The following ABCC11 variants were observed in gnomAD, a reference collection of about 807,000 sequenced individuals.
ABCC11 encodes ATP-binding cassette sub-family C member 11.
In ABCC11, 135 loss-of-function variants were observed where a neutral mutation model predicts 149.3. The ratio of observed to expected loss-of-function variants is 0.90; its 90% CI spans 0.79 to 1.04. The LOEUF is 1.04. ABCC11 is among the 50% of genes least tolerant of loss of function. The pLI is 0.00. For missense variants in ABCC11, 1,680 were observed against 1,722.1 expected, an observed-to-expected ratio of 0.98 and a Z score of 0.43; for synonymous variants, 665 against 671.4, an observed-to-expected ratio of 0.99 and a Z score of 0.15.
In ABCC11 at chr16:48,167,472, C is replaced by T. The variant is rs770243549; in HGVS notation, c.4056+24G>A. Reference sequence around the variant, plus strand: ...AGCAGCCTGAGCCCTCATCCTCCCACCAGCCCAAGGACGCAGCCTTCACCT... The same window carrying T: ...AGCAGCCTGAGCCCTCATCCTCCCATCAGCCCAAGGACGCAGCCTTCACCT... On this transcript the variant is annotated intron_variant, in intron 29 of 29. Transcript: ENST00000356608. 1.1e-5 allele frequency: 17 copies of T among 1,613,268 alleles called. No individual in the cohort carries two copies. The Admixed American group carries it at 2.8e-4, about 27-fold the overall frequency.
intron 9 of ABCC11, among the ~76,000 whole-genome samples, chr16:48,214,592 C>T (rs1274311142): frequency 6.6e-6 from 1 of 152,110 alleles, no homozygotes; most frequent in Non-Finnish European, 1.5e-5. Flanking sequence ...AGAGGAACTC[C>T]ACAACCTCAA....
At chr16:48,242,249 A>C (rs1185308423) in intron 1 of ABCC11, among the ~76,000 whole-genome samples, 2 of 152,248 alleles carry the variant, frequency 1.3e-5, no homozygotes, top group African/African-American at 4.8e-5. Flanking sequence ...ATGAACAGAC[A>C]CTTCTCAAAA....
At chr16:48,170,988 A>T (rs757373593) in intron 26 of ABCC11, 21 bp from the exon 27 acceptor site, 2 of 1,583,246 alleles carry the variant, frequency 1.3e-6, no homozygotes, top group South Asian at 2.2e-5. Flanking sequence ...AGAGAAAGAG[A>T]AGTGTTCAAC....
intron 20 of ABCC11, among the ~76,000 whole-genome samples, chr16:48,188,603 A>G (rs1479761114): frequency 6.6e-6 from 1 of 152,224 alleles, no homozygotes; most frequent in Non-Finnish European, 1.5e-5. Flanking sequence ...GGCTCTAACA[A>G]AAGCATTTAG....
intron 20 of ABCC11, among the ~76,000 whole-genome samples, chr16:48,187,997 C>T (rs1966840940): frequency 6.6e-6 from 1 of 152,164 alleles, no homozygotes; most frequent in Non-Finnish European, 1.5e-5. Flanking sequence ...CATGGCAACA[C>T]CCAGGAGTTA....
chr16:48,189,747 C>T (rs1966855280), intron 20 of ABCC11, among the ~76,000 whole-genome samples: 2 of 152,176 alleles, frequency 1.3e-5, no homozygotes, highest in Non-Finnish European at 1.5e-5. Flanking sequence ...AAGTGTCAGG[C>T]CTCAGGTAGA....
chr16:48,229,126 G>A (rs1208148241), intron 3 of ABCC11, among the ~76,000 whole-genome samples: 1 of 152,072 alleles, frequency 6.6e-6, no homozygotes, highest in African/African-American at 2.4e-5. Context: ...AGGGATATTG[G>A]AGCAAGGAGC....
At chr16:48,220,692 C>T (rs1969676676) in intron 6 of ABCC11, among the ~76,000 whole-genome samples, 1 of 152,196 alleles carries the variant, frequency 6.6e-6, no homozygotes. Flanking sequence ...CCTAAGGCCA[C>T]AGAACCAATA....
intron 19 of ABCC11, 26 bp from the exon 20 acceptor site, chr16:48,192,743 C>A (rs757501197): frequency 2.5e-6 from 4 of 1,609,986 alleles, no homozygotes; most frequent in Non-Finnish European, 3.4e-6. Flanking sequence ...GGGGGTCTGA[C>A]TGCAGGTGTC....
intron 6 of ABCC11, among the ~76,000 whole-genome samples, chr16:48,218,811 A>C (rs931533595): frequency 1.3e-5 from 2 of 152,180 alleles, no homozygotes; most frequent in Non-Finnish European, 2.9e-5. Context: ...AGCCACGTGG[A>C]ACTGTGAGTC....
intron 15 of ABCC11, 25 bp downstream of exon 15, chr16:48,200,251 G>T (rs746320758): frequency 1.2e-6 from 2 of 1,608,316 alleles, no homozygotes; most frequent in South Asian, 1.1e-5. Context: ...GTCAATCACA[G>T]TCAGAGCCCT....
At chr16:48,246,691 C>T (rs1364255962) in intron 1 of ABCC11, among the ~76,000 whole-genome samples, 1 of 152,144 alleles carries the variant, frequency 6.6e-6, no homozygotes, top group African/African-American at 2.4e-5. Context: ...CGTCCTGCCT[C>T]AGCTTCTGGA....
At chr16:48,208,542 G>T in intron 11 of ABCC11, 46 bp from the exon 12 acceptor site, 1 of 1,606,252 alleles carries the variant, frequency 6.2e-7, no homozygotes, top group South Asian at 1.1e-5. Context: ...GCATAGCCCT[G>T]GCATACCCAC....
Position 48,167,130 on chromosome 16 carries a change from A to C in ABCC11, c.*144T>G. The C allele has an allele frequency of 5.2e-5, 30 of 579,896 alleles. No individual in the cohort carries two copies. Among genetic ancestry groups the C allele is most frequent in the East Asian group, 6.5e-5 (2 of 30,804 alleles). 35.9% of individuals were successfully genotyped at this position (579,896 alleles called of 1,614,324 possible). A position where few individuals can be genotyped will look rare whatever the true frequency, so the allele number is the denominator to read the frequency against. ...CCTATTCCAGGGTTTCCATCCAGCAATCCCCACCCCCCCTACATTTACCCC... is the reference window on the plus strand; with the variant it reads ...CCTATTCCAGGGTTTCCATCCAGCACTCCCCACCCCCCCTACATTTACCCC... On this transcript the variant is annotated 3_prime_UTR_variant, in exon 30 of 30. Transcript: ENST00000356608.
rs111818900 is a variant in ABCC11, at chr16:48,167,853, G to A, written c.3892-193C>T. Among the ~76,000 whole-genome samples, 906 of 152,260 alleles carry A rather than the reference G, an allele frequency of 6.0e-3. 11 individuals are homozygous for A. The highest frequency in any genetic ancestry group is 0.02 in the African/African-American group (841 of 41,550). On this transcript the variant is annotated intron_variant, in intron 28 of 29. Coordinates refer to ENST00000356608, the MANE Select transcript of ABCC11 (RefSeq NM_001370497.1). ...TTATCCATTACCTTATGAAGAGAACGTTAGGTCTCAACCAGGAGCTAACTG... is the reference window on the plus strand; with the variant it reads ...TTATCCATTACCTTATGAAGAGAACATTAGGTCTCAACCAGGAGCTAACTG...
At chr16:48,241,654 G>A (rs1596873123) in intron 1 of ABCC11, among the ~76,000 whole-genome samples, 1 of 152,298 alleles carries the variant, frequency 6.6e-6, no homozygotes, top group South Asian at 2.1e-4. Flanking sequence ...ATACTACAAG[G>A]CTATGGTAAC....
chr16:48,205,268 T>C, intron 13 of ABCC11, 145 bp downstream of exon 13: 3 of 1,262,760 alleles, frequency 2.4e-6, no homozygotes, highest in Non-Finnish European at 3.3e-6. Context: ...TGATGGTATT[T>C]CTTTCACAGT....
At chr16:48,222,561 G>A (rs758618748) in intron 6 of ABCC11, 37 bp downstream of exon 6, 1 of 1,573,462 alleles carries the variant, frequency 6.4e-7, no homozygotes, top group Non-Finnish European at 8.7e-7. Flanking sequence ...GAAGGGTAGG[G>A]AAGCATGGCC....
intron 11 of ABCC11, among the ~76,000 whole-genome samples, chr16:48,208,770 G>A (rs759073882): frequency 4.6e-5 from 7 of 152,136 alleles, no homozygotes; most frequent in Non-Finnish European, 1.0e-4. Context: ...CCAGATTTGT[G>A]TCTATTCTAT....
Sources: gnomAD v4.1 joint callset for allele counts (sites outside exome capture counted in the v4.1 genomes callset) on GRCh38, gnomAD v4.1.1 for gene constraint, MANE v1.5 for transcripts, NCBI Gene and HGNC (gene_info 2026-07-23, HGNC 2026-07-21) for gene names.